The following PRDM16 variants were observed in gnomAD, a reference collection of about 807,000 sequenced individuals.
PRDM16 encodes PR/SET domain 16, also known as histone-lysine N-methyltransferase PRDM16.
In PRDM16, 23 loss-of-function variants were observed where a neutral mutation model predicts 110.6. The observed-to-expected ratio is 0.21, with a 90% CI of 0.15 to 0.29. The LOEUF is 0.29. Ranked by LOEUF, PRDM16 falls within the 10% of genes least tolerant of loss-of-function variation. The pLI is 1.00. For synonymous variants in PRDM16, 799 were observed against 781.8 expected (o/e 1.02, Z -0.37); for missense variants, 1,615 against 1,794.3 (o/e 0.90, Z 1.81).
At chr1:3,160,593 G>A (rs930432294) in intron 1 of PRDM16, among the ~76,000 whole-genome samples, 4 of 152,200 alleles carry the variant, frequency 2.6e-5, no homozygotes, top group East Asian at 1.9e-4. Context: ...CACTGCCCAC[G>A]AGGTGCAGGT....
chr1:3,324,391 A>G (rs973764354), intron 3 of PRDM16, among the ~76,000 whole-genome samples: 3 of 152,028 alleles, frequency 2.0e-5, no homozygotes, highest in Non-Finnish European at 4.4e-5. Flanking sequence ...CCTAAACCCT[A>G]TAGCCACTCC....
At chr1:3,217,313 C>T (rs559610457) in intron 2 of PRDM16, among the ~76,000 whole-genome samples, 24 of 152,334 alleles carry the variant, frequency 1.6e-4, no homozygotes, top group East Asian at 1.5e-3. Flanking sequence ...AGTGGGCGCA[C>T]GGCAGCTTGC....
intron 1 of PRDM16, among the ~76,000 whole-genome samples, chr1:3,124,220 C>T (rs1643156352): frequency 6.6e-6 from 1 of 152,172 alleles, no homozygotes; most frequent in African/African-American, 2.4e-5. Context: ...TCAGCCCAGC[C>T]TGGGCCCTGA....
intron 3 of PRDM16, among the ~76,000 whole-genome samples, chr1:3,324,918 C>T (rs1056503450): frequency 3.7e-4 from 56 of 152,244 alleles, no homozygotes; most frequent in Admixed American, 3.4e-3. Flanking sequence ...GGCCAGCGGA[C>T]GCCCCTGGTG....
intron 2 of PRDM16, among the ~76,000 whole-genome samples, chr1:3,191,278 T>C (rs554843507): frequency 6.6e-6 from 1 of 152,328 alleles, no homozygotes; most frequent in South Asian, 2.1e-4. Flanking sequence ...TTAATGTGTG[T>C]TCATTTGTTC....
rs908309989 is a variant in PRDM16, at chr1:3,390,918, C to A, written c.574-5573C>A. ...TAGCACAATCTCGGCTCACTGCAAC[C>A]TCCGCCTCCCGGGTTCAAGCGATTC... On this transcript the variant is annotated intron_variant, in intron 4 of 16. Transcript: ENST00000270722. The surrounding 1 kb of genome is among the most constrained non-coding windows in gnomAD (Gnocchi z 5.0). Among the ~76,000 whole-genome samples the A allele has an allele frequency of 6.6e-6, 1 of 151,180 alleles. No individual in the cohort carries two copies. The highest frequency in any genetic ancestry group is 1.5e-5 in the Non-Finnish European group (1 of 67,932).
At chr1:3,131,525 T>TAA (rs34840011) in intron 1 of PRDM16, among the ~76,000 whole-genome samples, 2 of 151,934 alleles carry the variant, frequency 1.3e-5, no homozygotes, top group African/African-American at 4.8e-5. Flanking sequence ...GCCAGAAAGT[T>TAA]AAAAAAAATC....
chr1:3,320,180 G>A (rs1641707068), intron 3 of PRDM16, among the ~76,000 whole-genome samples: 1 of 152,208 alleles, frequency 6.6e-6, no homozygotes, highest in Non-Finnish European at 1.5e-5. Flanking sequence ...GAACACACAT[G>A]TGCCAAATTA....
chr1:3,305,800 C>T (rs1283320976), intron 3 of PRDM16, among the ~76,000 whole-genome samples: 2 of 152,260 alleles, frequency 1.3e-5, no homozygotes, highest in African/African-American at 2.4e-5. Context: ...CCTATCAGAA[C>T]AGGACTGAGA....
intron 14 of PRDM16, among the ~76,000 whole-genome samples, chr1:3,427,487 G>A (rs964327909): frequency 1.3e-5 from 2 of 152,120 alleles, no homozygotes; most frequent in Non-Finnish European, 2.9e-5. Context: ...TCCAGTAGGT[G>A]AAGAAGAAGC....
chr1:3,155,638 C>A (rs1643849276), intron 1 of PRDM16, among the ~76,000 whole-genome samples: 1 of 152,276 alleles, frequency 6.6e-6, no homozygotes, highest in African/African-American at 2.4e-5. Context: ...CCTCGCCTTC[C>A]CCGCTCCTGA....
chr1:3,178,756 T>TTG (rs1644118855), intron 1 of PRDM16, among the ~76,000 whole-genome samples: 1 of 152,134 alleles, frequency 6.6e-6, no homozygotes, highest in African/African-American at 2.4e-5. Context: ...CCTGGAGGCT[T>TTG]TGCTGAAGCA....
intron 3 of PRDM16, among the ~76,000 whole-genome samples, chr1:3,380,802 C>T (rs548908449): frequency 6.6e-6 from 1 of 152,304 alleles, no homozygotes; most frequent in African/African-American, 2.4e-5. Context: ...GAGCCTATCC[C>T]CCAAGAAACA....
intron 3 of PRDM16, among the ~76,000 whole-genome samples, chr1:3,337,031 G>A (rs571074381): frequency 6.6e-6 from 1 of 151,858 alleles, no homozygotes; most frequent in South Asian, 2.1e-4. Context: ...GAGTGAGTCT[G>A]TGTGTGCACA....
chr1:3,205,328 C>T (rs1255568452), intron 2 of PRDM16, among the ~76,000 whole-genome samples: 2 of 152,136 alleles, frequency 1.3e-5, no homozygotes, highest in South Asian at 2.1e-4. Flanking sequence ...GACCGCCCCT[C>T]GTCAGCCATC....
At chr1:3,420,071 A>G (rs1638386658) in intron 12 of PRDM16, among the ~76,000 whole-genome samples, 1 of 152,144 alleles carries the variant, frequency 6.6e-6, no homozygotes, top group Non-Finnish European at 1.5e-5. Flanking sequence ...GTTGTGTGCT[A>G]AGAGCCCCTA....
intron 14 of PRDM16, among the ~76,000 whole-genome samples, chr1:3,429,536 G>A (rs1638708909): frequency 6.6e-6 from 1 of 152,230 alleles, no homozygotes; most frequent in Non-Finnish European, 1.5e-5. Flanking sequence ...TGGACAGGGA[G>A]GGGTATGTCC....
intron 3 of PRDM16, among the ~76,000 whole-genome samples, chr1:3,323,633 G>A (rs1023292239): frequency 2.8e-4 from 43 of 152,238 alleles, no homozygotes; most frequent in African/African-American, 9.9e-4. Context: ...GGAAACCCAC[G>A]TGTGCAGTCA....
At chr1:3,074,043 C>T (rs1641832713) in intron 1 of PRDM16, among the ~76,000 whole-genome samples, 1 of 152,278 alleles carries the variant, frequency 6.6e-6, no homozygotes, top group South Asian at 2.1e-4. Context: ...GGAGGGAAGA[C>T]GGTGCAGAGA....
Sources: gnomAD v4.1 joint callset for allele counts (sites outside exome capture counted in the v4.1 genomes callset) on GRCh38, gnomAD v4.1.1 for gene constraint, Gnocchi (gnomAD v3.1) non-coding constraint, MANE v1.5 for transcripts, NCBI Gene and HGNC (gene_info 2026-07-23, HGNC 2026-07-21) for gene names.